The following IGF2BP3 variants were observed in gnomAD, a reference collection of about 807,000 sequenced individuals.
IGF2BP3 encodes the protein insulin-like growth factor 2 mRNA-binding protein 3.
IGF2BP3 carries 9 observed loss-of-function variants against 73.8 expected under a neutral mutation model. That is an observed-to-expected ratio of 0.12 (90% confidence interval 0.07 to 0.21). The LOEUF is 0.21. Ranked by LOEUF, IGF2BP3 falls within the 10% of genes least tolerant of loss-of-function variation. The pLI is 1.00. For missense variants in IGF2BP3, 542 were observed against 714.0 expected, an observed-to-expected ratio of 0.76 and a Z score of 2.75; for synonymous variants, 258 against 256.7, an observed-to-expected ratio of 1.01 and a Z score of -0.05.
chr7:23,382,710 T>C (rs1030408470), intron 3 of IGF2BP3, among the ~76,000 whole-genome samples: 2 of 151,694 alleles, frequency 1.3e-5, no homozygotes, highest in Non-Finnish European at 2.9e-5. Flanking sequence ...AGTATAAAGA[T>C]CAAAATTCTA....
intron 2 of IGF2BP3, among the ~76,000 whole-genome samples, chr7:23,456,706 AAAG>A (rs1448673886): frequency 3.3e-5 from 5 of 151,998 alleles, no homozygotes; most frequent in African/African-American, 7.3e-5. Context: ...CACTTCATTG[AAAG>A]AAGCTCTTTG....
rs930726277 is a variant in IGF2BP3 at position 23,469,441 on chromosome 7, G to C, written c.175+495C>G. On this transcript the variant is annotated intron_variant, in intron 1 of 14. Coordinates refer to ENST00000258729, the MANE Select transcript of IGF2BP3 (RefSeq NM_006547.3). This position sits in a 1 kb window ranked among gnomAD's most constrained non-coding sequence, Gnocchi z 6.1. ...GCGGGGCCGCCTGTGCGAGGCACCA[G>C]CCTCGCGGTCTCACTCGGCAGCACG... 3 of 152,384 alleles carry C rather than the reference G, an allele frequency of 2.0e-5. No individual in the cohort carries two copies. Among genetic ancestry groups the C allele is most frequent in the Non-Finnish European group, 4.4e-5 (3 of 68,184 alleles). 9.4% of individuals were successfully genotyped at this position (152,384 alleles called of 1,614,324 possible).
chr7:23,457,391 G>T (rs1002784595), intron 2 of IGF2BP3, among the ~76,000 whole-genome samples: 4 of 151,910 alleles, frequency 2.6e-5, no homozygotes, highest in African/African-American at 9.7e-5. Context: ...CTTGAACCCG[G>T]CAGGTGGAGG....
At chr7:23,387,157 C>T (rs1386161439) in intron 3 of IGF2BP3, among the ~76,000 whole-genome samples, 1 of 151,940 alleles carries the variant, frequency 6.6e-6, no homozygotes, top group Non-Finnish European at 1.5e-5. Flanking sequence ...AGTCATATTG[C>T]TTGTATGTGC....
intron 2 of IGF2BP3, among the ~76,000 whole-genome samples, chr7:23,438,393 G>A (rs1043167244): frequency 1.3e-5 from 2 of 152,052 alleles, no homozygotes; most frequent in African/African-American, 4.8e-5. Context: ...GGAATTACAG[G>A]CATGAACCAC....
At chr7:23,336,595 T>G (rs1784579569) in intron 10 of IGF2BP3, among the ~76,000 whole-genome samples, 1 of 152,024 alleles carries the variant, frequency 6.6e-6, no homozygotes, top group Admixed American at 6.6e-5. Flanking sequence ...AACCTCCACC[T>G]CCTCGGCTCA....
At chr7:23,468,140 C>A (rs1364376718) in intron 2 of IGF2BP3, among the ~76,000 whole-genome samples, 1 of 152,230 alleles carries the variant, frequency 6.6e-6, no homozygotes, top group African/African-American at 2.4e-5. Flanking sequence ...TCATCCGCTG[C>A]TTCCCAAGCC....
Position 23,470,070 on chromosome 7 carries a change from G to T in IGF2BP3, c.41C>A (p.Ala14Asp). The change falls in exon 1 of 15, where the codon GCC (alanine) becomes GAC (aspartate). Residue 14 changes from alanine (A) to aspartate (D), a missense_variant. Around this residue, in one of 2 missense-constraint regions of IGF2BP3, gnomAD observed 239 missense variants for 241.9 expected, o/e 0.99. Coordinates refer to ENST00000258729, the MANE Select transcript of IGF2BP3 (RefSeq NM_006547.3). ...GAAGATACTTTCTAGGTCCGAGGGG[G>T]CGGCGTTCTCGCTGAGGTTTCCGAT... ...LYIGNLSENA[A>D]PSDLESIFKD... 1 of 1,610,098 alleles carries T rather than the reference G, an allele frequency of 6.2e-7. No homozygotes were observed. The highest frequency in any genetic ancestry group is 8.5e-7 in the Non-Finnish European group (1 of 1,178,936).
chr7:23,355,857 T>A (rs1330245076), intron 5 of IGF2BP3, among the ~76,000 whole-genome samples: 1 of 150,914 alleles, frequency 6.6e-6, no homozygotes, highest in Admixed American at 6.6e-5. Flanking sequence ...TGCTTGAATC[T>A]GGGAGGCGGA....
rs10571084 is a variant in IGF2BP3 at position 23,380,157 on chromosome 7, CTTTTTTTTTTTTTT to C, written c.286-18430_286-18417del. ...ACCGTGGAGACTGCCCACTATGCCT[CTTTTTTTTTTTTTT>C]TTTTTTTTTTGAGATGGAGTCTCGC... On this transcript the variant is annotated intron_variant, in intron 3 of 14. Coordinates refer to ENST00000258729, the MANE Select transcript of IGF2BP3 (RefSeq NM_006547.3). 4.3e-4 allele frequency among the ~76,000 whole-genome samples: 31 copies of C among 71,808 alleles called. 1 individual carries two copies. The South Asian group carries it at 7.2e-3, about 17-fold the overall frequency. 47.1% of individuals were successfully genotyped at this position (71,808 alleles called of 152,430 possible).
chr7:23,419,298 G>C (rs896943750), intron 2 of IGF2BP3, among the ~76,000 whole-genome samples: 1 of 152,144 alleles, frequency 6.6e-6, no homozygotes, highest in Non-Finnish European at 1.5e-5. Context: ...AATTTAACAC[G>C]TCCTTCAATT....
chr7:23,435,033 TGCCTGTAATC>T (rs1194526380), intron 2 of IGF2BP3, among the ~76,000 whole-genome samples: 1 of 152,044 alleles, frequency 6.6e-6, no homozygotes, highest in African/African-American at 2.4e-5. Context: ...TGGTGGCTCC[TGCCTGTAATC>T]CTAGCACTTT....
chr7:23,341,212 G>A (rs368729864), intron 10 of IGF2BP3, among the ~76,000 whole-genome samples: 13 of 151,948 alleles, frequency 8.6e-5, no homozygotes, highest in African/African-American at 1.2e-4. Flanking sequence ...ATGTATGCAC[G>A]CACACACACA....
At chr7:23,398,748 T>G (rs534525016) in intron 3 of IGF2BP3, among the ~76,000 whole-genome samples, 86 of 152,344 alleles carry the variant, frequency 5.6e-4, no homozygotes, top group Non-Finnish European at 9.8e-4. Context: ...TTGCCCACTT[T>G]TTGATGGGGT....
intron 3 of IGF2BP3, among the ~76,000 whole-genome samples, chr7:23,409,796 A>G (rs1314397069): frequency 3.9e-5 from 6 of 152,232 alleles, no homozygotes; most frequent in Non-Finnish European, 7.3e-5. Context: ...ATTTAGGCAA[A>G]AAGTTTTTAG....
chr7:23,385,060 A>T (rs975644791), intron 3 of IGF2BP3, among the ~76,000 whole-genome samples: 2 of 152,248 alleles, frequency 1.3e-5, no homozygotes, highest in Non-Finnish European at 2.9e-5. Flanking sequence ...TATAGAAATT[A>T]AATTTTGGCA....
chr7:23,466,818 A>G (rs1788576702), intron 2 of IGF2BP3, among the ~76,000 whole-genome samples: 1 of 152,258 alleles, frequency 6.6e-6, no homozygotes, highest in African/African-American at 2.4e-5. Context: ...AGCTCGATGA[A>G]TTGTAAAAAT....
In IGF2BP3 at chr7:23,311,044, T is replaced by C. The variant is rs1562660763; in HGVS notation, c.*1318A>G. The C allele has an allele frequency of 6.6e-6, 1 of 152,200 alleles. No homozygotes were observed. 9.4% of individuals were successfully genotyped at this position (152,200 alleles called of 1,614,324 possible). A position where few individuals can be genotyped will look rare whatever the true frequency, so the allele number is the denominator to read the frequency against. On this transcript the variant is annotated 3_prime_UTR_variant, in exon 15 of 15. Transcript: ENST00000258729. ...TTCTTGTATTCTCTATCTTTTGACT[T>C]TTTTTTCAAAGAACTGATTGCACAG...
intron 3 of IGF2BP3, chr7:23,413,287 C>G (rs1562737611): frequency 6.6e-6 from 1 of 152,138 alleles, no homozygotes; most frequent in African/African-American, 2.4e-5. Flanking sequence ...TCGAGACCAG[C>G]CTGGTCAACA....
Sources: gnomAD v4.1 joint callset for allele counts (sites outside exome capture counted in the v4.1 genomes callset) on GRCh38, gnomAD v4.1.1 for gene constraint, gnomAD v4.1.1 regional missense constraint, Gnocchi (gnomAD v3.1) non-coding constraint, MANE v1.5 for transcripts, NCBI Gene and HGNC (gene_info 2026-07-23, HGNC 2026-07-21) for gene names.